Variants in TTC28 observed in about 807,000 individuals in gnomAD.
The protein encoded by TTC28 is tetratricopeptide repeat domain 28, also known as tetratricopeptide repeat protein 28.
A neutral mutation model predicts 198.0 loss-of-function variants in TTC28; 61 were observed. That is an observed-to-expected ratio of 0.31 (90% CI 0.25 to 0.38). TTC28 has a LOEUF of 0.38. Among genes scored for constraint, TTC28 ranks in the 10% least tolerant of loss-of-function variants. The pLI is 1.00. For missense variants in TTC28, 2,678 were observed against 3,164.0 expected, an observed-to-expected ratio of 0.85 and a Z score of 3.69; for synonymous variants, 1,171 against 1,297.8, an observed-to-expected ratio of 0.90 and a Z score of 2.10.
intron 2 of TTC28, among the ~76,000 whole-genome samples, chr22:28,462,142 T>C (rs888731290): frequency 9.2e-5 from 14 of 152,248 alleles, no homozygotes; most frequent in African/African-American, 3.1e-4. Context: ...ATAGCTCATA[T>C]TATTTGTTCA....
At chr22:28,574,751 T>C (rs931575403) in intron 2 of TTC28, among the ~76,000 whole-genome samples, 7 of 152,208 alleles carry the variant, frequency 4.6e-5, no homozygotes, top group African/African-American at 1.7e-4. Context: ...CATTGTAATT[T>C]TGATTTGCAT....
chr22:27,998,944 G>T lies in TTC28; in HGVS notation c.4715C>A (p.Ser1572Tyr). ...MDGNPASSKSSFGHPYTIPES... is the reference protein window; with the variant it reads ...MDGNPASSKSYFGHPYTIPES... ...AGGGATCGTGTAGGGGTGGCCGAAG[G>T]AGCTCTTGCTGCTGGCAGGGTTGCC... Residue 1572 changes from serine to tyrosine, a missense_variant, in exon 16 of 23, where the codon TCC (serine) becomes TAC (tyrosine). This residue lies in a region of TTC28 where 727 missense variants were observed against 861.9 expected (regional missense o/e 0.84). Transcript: ENST00000397906. 1 of 1,550,808 alleles carries T rather than the reference G, an allele frequency of 6.4e-7. No homozygotes were observed.
intron 2 of TTC28, among the ~76,000 whole-genome samples, chr22:28,618,692 A>C (rs1345797328): frequency 6.6e-6 from 1 of 151,834 alleles, no homozygotes; most frequent in Non-Finnish European, 1.5e-5. Flanking sequence ...CAAAAAAAAA[A>C]AAAAAAAACA....
intron 5 of TTC28, among the ~76,000 whole-genome samples, chr22:28,260,571 T>C (rs1440888021): frequency 6.6e-6 from 1 of 152,154 alleles, no homozygotes; most frequent in Non-Finnish European, 1.5e-5. Context: ...TTTAACATGA[T>C]AGATTCAGAA....
intron 2 of TTC28, among the ~76,000 whole-genome samples, chr22:28,399,325 T>G (rs373533937): frequency 1.3e-5 from 2 of 150,866 alleles, no homozygotes; most frequent in South Asian, 2.1e-4. Context: ...CTGTTTTTTT[T>G]TTTTTTTTTT....
intron 2 of TTC28, among the ~76,000 whole-genome samples, chr22:28,537,241 C>T (rs546394818): frequency 8.8e-5 from 13 of 147,520 alleles, no homozygotes; most frequent in Non-Finnish European, 1.8e-4. Context: ...TGCAGTGAGT[C>T]GAGATTGCGC....
At chr22:28,497,203 AAGG>A (rs1435339895) in intron 2 of TTC28, among the ~76,000 whole-genome samples, 3 of 152,274 alleles carry the variant, frequency 2.0e-5, no homozygotes, top group East Asian at 1.9e-4. Flanking sequence ...CTGGGAGAAC[AAGG>A]AGAATTTTAA....
intron 6 of TTC28, among the ~76,000 whole-genome samples, chr22:28,161,400 G>A (rs1405502914): frequency 6.6e-6 from 1 of 152,094 alleles, no homozygotes; most frequent in East Asian, 1.9e-4. Context: ...AGCTGGGCAT[G>A]GTGGCTGATG....
intron 12 of TTC28, among the ~76,000 whole-genome samples, chr22:28,044,702 T>C (rs1601554976): frequency 6.6e-6 from 1 of 152,330 alleles, no homozygotes; most frequent in African/African-American, 2.4e-5. Context: ...GAACATGTGG[T>C]GTTTGGTTGA....
At chr22:28,313,201 G>A (rs1393882919) in intron 2 of TTC28, among the ~76,000 whole-genome samples, 2 of 152,218 alleles carry the variant, frequency 1.3e-5, no homozygotes, top group Non-Finnish European at 2.9e-5. Flanking sequence ...AACAGGTTCT[G>A]AAATTGAGGC....
In TTC28 at chr22:27,982,319, G is replaced by T. The variant is rs911297182; in HGVS notation, c.7348C>A (p.Pro2450Thr). 1 of 1,526,434 alleles carries T rather than the reference G, an allele frequency of 6.6e-7. No homozygotes were observed. Among genetic ancestry groups the T allele is most frequent in the African/African-American group, 1.4e-5 (1 of 72,344 alleles). The allele number at this position is 1,526,434 out of a possible 1,614,324, so 94.6% of individuals were successfully genotyped here. Residue 2450 changes from proline (P) to threonine (T), a missense_variant, in exon 23 of 23, where the codon CCT becomes ACT. Coordinates refer to ENST00000397906, the MANE Select transcript of TTC28 (RefSeq NM_001145418.2). This position sits in a 1 kb window ranked among gnomAD's most constrained non-coding sequence, Gnocchi z 5.2. ...SLGSLPLPAGPPATAPARPLR... is the reference protein window; with the variant it reads ...SLGSLPLPAGTPATAPARPLR... ...GGGCGCGCGGGGGCTGTGGCGGGAG[G>T]GCCGGCGGGCAGCGGCAGTGAGCCC...
chr22:28,511,745 G>A (rs899285699), intron 2 of TTC28, among the ~76,000 whole-genome samples: 1 of 151,914 alleles, frequency 6.6e-6, no homozygotes, highest in Non-Finnish European at 1.5e-5. Context: ...TTGAACTCAG[G>A]AGGTGGAGGT....
intron 1 of TTC28, among the ~76,000 whole-genome samples, chr22:28,671,656 T>G (rs1000031804): frequency 2.7e-5 from 4 of 148,912 alleles, no homozygotes; most frequent in East Asian, 3.9e-4. Context: ...AAAAAAAAAT[T>G]TCTTCCATTA....
chr22:28,441,930 G>A (rs1365020734), intron 2 of TTC28, among the ~76,000 whole-genome samples: 1 of 150,938 alleles, frequency 6.6e-6, no homozygotes, highest in African/African-American at 2.4e-5. Context: ...GTGAACAACT[G>A]GGTTCGCCTA....
At chr22:28,020,501 T>C (rs988386094) in intron 13 of TTC28, among the ~76,000 whole-genome samples, 5 of 152,098 alleles carry the variant, frequency 3.3e-5, no homozygotes, top group African/African-American at 1.2e-4. Flanking sequence ...GTGGCTCATG[T>C]CTCTGGAATG....
chr22:28,604,092 A>G (rs1463953379), intron 2 of TTC28, among the ~76,000 whole-genome samples: 1 of 151,920 alleles, frequency 6.6e-6, no homozygotes, highest in East Asian at 1.9e-4. Flanking sequence ...AGCCTGGCCA[A>G]CGTGGCGAAA....
At chr22:28,154,046 C>T (rs934805058) in intron 6 of TTC28, among the ~76,000 whole-genome samples, 5 of 152,166 alleles carry the variant, frequency 3.3e-5, no homozygotes, top group Non-Finnish European at 7.3e-5. Flanking sequence ...AGTCATGATT[C>T]TCATTGTCTC....
intron 2 of TTC28, among the ~76,000 whole-genome samples, chr22:28,472,225 G>C (rs189734572): frequency 1.2e-3 from 185 of 152,124 alleles, no homozygotes; most frequent in Non-Finnish European, 1.6e-3. Context: ...GTTTCTTCTT[G>C]ATTTCCCTAT....
chr22:27,992,054 C>T (rs569684566), intron 19 of TTC28, among the ~76,000 whole-genome samples: 56 of 152,284 alleles, frequency 3.7e-4, no homozygotes, highest in African/African-American at 1.3e-3. Flanking sequence ...GTGGCTGTAA[C>T]ACTCGTCAAT....
Sources: allele counts gnomAD v4.1 joint callset (sites outside exome capture counted in the v4.1 genomes callset), GRCh38; gene constraint gnomAD v4.1.1; regional missense constraint gnomAD v4.1.1; non-coding constraint Gnocchi (gnomAD v3.1); transcripts MANE v1.5; gene names NCBI Gene and HGNC (gene_info 2026-07-23, HGNC 2026-07-21).